UGT3A2: variants seen among roughly 807,000 people sequenced by gnomAD.
UGT3A2 encodes UDP glycosyltransferase family 3 member A2, also known as UDP-glycosyltransferase 3A2.
Under a neutral mutation model 39.8 loss-of-function variants are expected in UGT3A2, and 32 were observed. The ratio of observed to expected loss-of-function variants is 0.80; its 90% CI spans 0.61 to 1.08. The LOEUF is 1.08. Among genes scored for constraint, UGT3A2 ranks in the 50% least tolerant of loss-of-function variants. The pLI, the probability that UGT3A2 is intolerant of heterozygous loss-of-function variation, is 0.00. For synonymous variants in UGT3A2, 241 were observed against 230.7 expected (o/e 1.04, Z -0.40); for missense variants, 611 against 637.1 (o/e 0.96, Z 0.44).
chr5:36,052,843 G>A (rs1249165342), intron 2 of UGT3A2, among the ~76,000 whole-genome samples: 2 of 152,142 alleles, frequency 1.3e-5, no homozygotes, highest in East Asian at 1.9e-4. Flanking sequence ...TGTAAGGATT[G>A]GGGGTATGTT....
At chr5:36,045,086 C>T (rs534242227) in intron 4 of UGT3A2, among the ~76,000 whole-genome samples, 43 of 152,248 alleles carry the variant, frequency 2.8e-4, no homozygotes, top group African/African-American at 1.0e-3. Flanking sequence ...TCAAGTTATA[C>T]TACAAGACTA....
chr5:36,061,374 A>G (rs1434406569), intron 2 of UGT3A2, among the ~76,000 whole-genome samples: 30 of 141,092 alleles, frequency 2.1e-4, no homozygotes, highest in East Asian at 2.2e-4. Context: ...ATATCTCCCA[A>G]TGCTATCCCT....
At chr5:36,038,797 A>T (rs1741912717) in intron 5 of UGT3A2, among the ~76,000 whole-genome samples, 1 of 152,232 alleles carries the variant, frequency 6.6e-6, no homozygotes, top group Non-Finnish European at 1.5e-5. Flanking sequence ...CTTTTCAGCC[A>T]TGATCTTCGT....
At chr5:36,042,194 A>G (rs1742031227) in intron 4 of UGT3A2, among the ~76,000 whole-genome samples, 2 of 152,170 alleles carry the variant, frequency 1.3e-5, no homozygotes, top group South Asian at 2.1e-4. Context: ...ACAATATAAT[A>G]AGATATAAAT....
rs116035288 is a variant in UGT3A2, at chr5:36,047,830, C to T, written c.843+1059G>A. Among the ~76,000 whole-genome samples, 461 of 152,290 alleles carry T rather than the reference C, an allele frequency of 3.0e-3. 3 individuals carry two copies. The highest frequency in any genetic ancestry group is 0.011 in the African/African-American group (446 of 41,566). On this transcript the variant is annotated intron_variant, in intron 4 of 6. Coordinates refer to ENST00000282507, the MANE Select transcript of UGT3A2 (RefSeq NM_174914.4). The stretch of plus-strand genomic sequence containing the variant: ...TCATGCAATTGAACCTTCTACTCCA[C>T]TAGTGTAGCCAGTGCCACCCAGGGA...
intron 4 of UGT3A2, among the ~76,000 whole-genome samples, chr5:36,043,321 G>T (rs866394220): frequency 9.2e-5 from 14 of 152,092 alleles, no homozygotes; most frequent in South Asian, 4.1e-4. Context: ...ATTTAAAAAT[G>T]TATTGAAACA....
rs1256479975 is a variant in UGT3A2, at chr5:36,035,810, T to C, written c.1460A>G (p.Asp487Gly). ...GAGCCCCAGCAGAAACACAAAAACGTCGAGCAGGTACTGCTCATGCCAGGG... is the reference window on the plus strand; with the variant it reads ...GAGCCCCAGCAGAAACACAAAAACGCCGAGCAGGTACTGCTCATGCCAGGG... ...QQPWHEQYLL[D>G]VFVFLLGLTL... Residue 487 changes from aspartate to glycine, a missense_variant, in exon 7 of 7, where the codon GAC (aspartate) becomes GGC (glycine). Physicochemically the swap from Asp to Gly is moderately conservative, Grantham distance 94 (BLOSUM62 -1). Transcript: ENST00000282507. 4.3e-6 allele frequency: 7 copies of C among 1,614,122 alleles called. No individual in the cohort carries two copies. Among genetic ancestry groups the C allele is most frequent in the Non-Finnish European group, 5.9e-6 (7 of 1,180,026 alleles).
At chr5:36,056,660 G>C (rs1014572959) in intron 2 of UGT3A2, among the ~76,000 whole-genome samples, 2 of 152,208 alleles carry the variant, frequency 1.3e-5, no homozygotes, top group South Asian at 2.1e-4. Flanking sequence ...ATAGCAAAAG[G>C]CTGTCCAGCC....
rs1448483811 is a variant in UGT3A2, at chr5:36,051,852, G to T, written c.311+18C>A. On this transcript the variant is annotated intron_variant, in intron 3 of 6. Transcript: ENST00000282507. ...GAAAATGGTGACCTTTTTGTTCAAAGAATAAAAAAACAATTACCTGCCACC... is the reference window on the plus strand; with the variant it reads ...GAAAATGGTGACCTTTTTGTTCAAATAATAAAAAAACAATTACCTGCCACC... 6.4e-7 allele frequency: 1 copy of T among 1,552,406 alleles called. No homozygotes were observed. Among genetic ancestry groups the T allele is most frequent in the South Asian group, 1.2e-5 (1 of 82,346 alleles).
At chr5:36,053,543 C>G (rs937289920) in intron 2 of UGT3A2, among the ~76,000 whole-genome samples, 4 of 152,150 alleles carry the variant, frequency 2.6e-5, no homozygotes, top group African/African-American at 9.7e-5. Context: ...CATTAGTGCC[C>G]GCCAGGGACA....
chr5:36,043,119 C>T (rs1011084245), intron 4 of UGT3A2, among the ~76,000 whole-genome samples: 5 of 151,886 alleles, frequency 3.3e-5, no homozygotes, highest in African/African-American at 9.7e-5. Flanking sequence ...TAAGTATAGA[C>T]CATACATTAG....
rs1741934647 is a variant in UGT3A2, at chr5:36,039,496, A to G, written c.1056T>C (p.Leu352=). The change falls in exon 5 of 7, where the codon CTT becomes CTC. Residue 352 remains leucine (L), a synonymous_variant. Coordinates refer to ENST00000282507, the MANE Select transcript of UGT3A2 (RefSeq NM_174914.4). ...LAANVKIVDW[L]PQSDLLAHPS... ...CCTTACCCAGGAGGTCACTCTGAGG[A>G]AGCCAGTCCACAATTTTCACATTTG... The G allele has an allele frequency of 6.2e-7, 1 of 1,614,110 alleles. No individual in the cohort carries two copies. The highest frequency in any genetic ancestry group is 2.2e-5 in the East Asian group (1 of 44,882).
At chr5:36,057,038 C>T (rs1742535454) in intron 2 of UGT3A2, among the ~76,000 whole-genome samples, 1 of 152,190 alleles carries the variant, frequency 6.6e-6, no homozygotes, top group Non-Finnish European at 1.5e-5. Flanking sequence ...CTCTCATGCT[C>T]GTGAATATCT....
chr5:36,062,517 T>C (rs1386230423), intron 2 of UGT3A2, among the ~76,000 whole-genome samples: 1 of 151,678 alleles, frequency 6.6e-6, no homozygotes, highest in Non-Finnish European at 1.5e-5. Flanking sequence ...CCCCATTGCT[T>C]GTTTTTCTCA....
chr5:36,061,843 T>C (rs1051973747), intron 2 of UGT3A2, among the ~76,000 whole-genome samples: 5 of 151,970 alleles, frequency 3.3e-5, no homozygotes, highest in African/African-American at 1.2e-4. Context: ...TTGAACTAGT[T>C]TACAGTCCCA....
chr5:36,039,223 A>G (rs140519942), intron 5 of UGT3A2, among the ~76,000 whole-genome samples: 119 of 152,324 alleles, frequency 7.8e-4, no homozygotes, highest in African/African-American at 2.8e-3. Flanking sequence ...ACTTGACAGG[A>G]ATATCACATA....
chr5:36,066,754 G>A lies in UGT3A2; in HGVS notation c.36C>T (p.Phe12=), dbSNP rs1224369373. 1 of 1,614,080 alleles carries A rather than the reference G, an allele frequency of 6.2e-7. No individual in the cohort carries two copies. Among genetic ancestry groups the A allele is most frequent in the Non-Finnish European group, 8.5e-7 (1 of 1,180,056 alleles). The change falls in exon 1 of 7, where the codon TTC becomes TTT. Residue 12 remains phenylalanine (F), a synonymous_variant. Coordinates refer to ENST00000282507, the MANE Select transcript of UGT3A2 (RefSeq NM_174914.4). ...AGQRVLLLVG[F]LLPGVLLSEA... ...CTGAGAGCAGGACCCCAGGGAGAAG[G>A]AAGCCCACTAGAAGAAGCACTCGCT... is the stretch of plus-strand genomic sequence containing the variant.
chr5:36,058,851 A>G (rs537898068), intron 2 of UGT3A2, among the ~76,000 whole-genome samples: 3 of 152,344 alleles, frequency 2.0e-5, no homozygotes, highest in African/African-American at 7.2e-5. Context: ...TAATGACAGT[A>G]ACAAGTAGTA....
intron 2 of UGT3A2, among the ~76,000 whole-genome samples, chr5:36,062,267 T>C (rs1355927050): frequency 2.7e-5 from 4 of 149,986 alleles, no homozygotes; most frequent in African/African-American, 9.7e-5. Flanking sequence ...TTTGTCAATT[T>C]TGGCTTTTGT....
Sources: gnomAD v4.1 joint callset for allele counts (sites outside exome capture counted in the v4.1 genomes callset) on GRCh38, gnomAD v4.1.1 for gene constraint, MANE v1.5 for transcripts, NCBI Gene and HGNC (gene_info 2026-07-23, HGNC 2026-07-21) for gene names.